Variants in TUSC3 observed in about 807,000 individuals in gnomAD.
The protein encoded by TUSC3 is tumor suppressor candidate 3.
Under a neutral mutation model 44.8 loss-of-function variants are expected in TUSC3, and 45 were observed. The ratio of observed to expected loss-of-function variants is 1.00; its 90% CI spans 0.79 to 1.29. The LOEUF (loss-of-function observed/expected upper bound fraction) is 1.29. Among genes scored for constraint, TUSC3 ranks in the 50% most tolerant of loss-of-function variants. The pLI is 0.00. For synonymous variants in TUSC3, 212 were observed against 152.9 expected (o/e 1.39, Z -2.85); for missense variants, 519 against 437.9 (o/e 1.19, Z -1.65).
upstream of TUSC3, among the ~76,000 whole-genome samples, chr8:15,539,393 C>T (rs1449409416): frequency 8.7e-5 from 10 of 115,282 alleles, no homozygotes; most frequent in Non-Finnish European, 1.3e-4. Context: ...CATTCTGTCT[C>T]CCAGGCTGGA....
intron 9 of TUSC3, among the ~76,000 whole-genome samples, chr8:15,753,027 A>G (rs572199511): frequency 9.9e-5 from 15 of 152,248 alleles, no homozygotes; most frequent in African/African-American, 3.6e-4. Flanking sequence ...AAATCTACTT[A>G]TTAAACAAAT....
At chr8:15,489,890 C>T (rs10091080) in intron 2 of TUSC3, among the ~76,000 whole-genome samples, 2,418 of 152,198 alleles carry the variant, frequency 0.016, 83 homozygotes, top group African/African-American at 0.056. Flanking sequence ...TATTCTGAAA[C>T]AAATCAGATA....
At chr8:15,820,034 G>C in the TUSC3 span, among the ~76,000 whole-genome samples, 7 of 152,094 alleles carry the variant, frequency 4.6e-5, no homozygotes, top group Non-Finnish European at 1.0e-4. Flanking sequence ...AATTTGAACT[G>C]TTCCTAGTTT....
chr8:15,781,762 A>G, the TUSC3 span, among the ~76,000 whole-genome samples: 1 of 152,044 alleles, frequency 6.6e-6, no homozygotes, highest in African/African-American at 2.4e-5. Context: ...AAAAAACTGA[A>G]GAGGAAATAA....
chr8:15,518,852 TATA>T (rs1455104845), intron 2 of TUSC3, among the ~76,000 whole-genome samples: 1 of 152,140 alleles, frequency 6.6e-6, no homozygotes, highest in Non-Finnish European at 1.5e-5. Flanking sequence ...AATATGAAAA[TATA>T]ATCCCATTTT....
intron 2 of TUSC3, among the ~76,000 whole-genome samples, chr8:15,493,130 G>C (rs1800832293): frequency 6.6e-6 from 1 of 152,174 alleles, no homozygotes; most frequent in African/African-American, 2.4e-5. Flanking sequence ...AACAGAATAA[G>C]GATGAGTGTT....
At chr8:15,701,424 G>A (rs750987793) in intron 6 of TUSC3, among the ~76,000 whole-genome samples, 4 of 152,076 alleles carry the variant, frequency 2.6e-5, no homozygotes, top group East Asian at 1.9e-4. Context: ...GTGTATGTGT[G>A]TATTTTTTAC....
rs187971466 is a variant in TUSC3 at position 15,652,294 on chromosome 8, A to G, written c.426+1480A>G. Among the ~76,000 whole-genome samples the G allele has an allele frequency of 5.2e-4, 79 of 152,320 alleles. 2 individuals carry two copies. The highest frequency in any genetic ancestry group is 4.6e-3 in the Admixed American group (70 of 15,292). On this transcript the variant is annotated intron_variant, in intron 3 of 10. Coordinates refer to ENST00000503731, the MANE Select transcript of TUSC3 (RefSeq NM_006765.4). ...TCTAGCCTACTAATTGTATATCACCATTAGTGAACATTTTTACTTATTTGC... is the reference window on the plus strand; with the variant it reads ...TCTAGCCTACTAATTGTATATCACCGTTAGTGAACATTTTTACTTATTTGC...
At chr8:15,528,320 T>A (rs1801403600) in intron 2 of TUSC3, among the ~76,000 whole-genome samples, 1 of 152,150 alleles carries the variant, frequency 6.6e-6, no homozygotes, top group South Asian at 2.1e-4. Context: ...GTTCAGGAAA[T>A]GAATTAGGAA....
intron 1 of TUSC3, among the ~76,000 whole-genome samples, chr8:15,576,929 CA>C (rs1480802504): frequency 8.3e-6 from 1 of 120,758 alleles, no homozygotes; most frequent in African/African-American, 3.0e-5. Flanking sequence ...GTCCCACCAA[CA>C]GTGTAAAAGT....
At chr8:15,769,879 G>A (rs532718547), downstream of TUSC3, among the ~76,000 whole-genome samples, 1 of 152,226 alleles carries the variant, frequency 6.6e-6, no homozygotes, top group Admixed American at 6.5e-5. Flanking sequence ...ACCATCTCTC[G>A]CCAGTTAGAA....
downstream of TUSC3, among the ~76,000 whole-genome samples, chr8:15,767,235 T>G (rs1812358307): frequency 6.6e-6 from 1 of 152,098 alleles, no homozygotes; most frequent in Non-Finnish European, 1.5e-5. Flanking sequence ...TACATGCATA[T>G]ATTTATATCA....
the TUSC3 span, among the ~76,000 whole-genome samples, chr8:15,783,478 A>G: frequency 6.6e-6 from 1 of 152,220 alleles, no homozygotes; most frequent in Non-Finnish European, 1.5e-5. Context: ...AAAATATATT[A>G]CAAAGCTATG....
intron 1 of TUSC3, among the ~76,000 whole-genome samples, chr8:15,588,870 T>C (rs902108394): frequency 6.6e-6 from 1 of 152,142 alleles, no homozygotes; most frequent in African/African-American, 2.4e-5. Context: ...GCTGTGAATA[T>C]GTGGATTTAT....
intron 2 of TUSC3, among the ~76,000 whole-genome samples, chr8:15,489,687 CT>C (rs1334789343): frequency 6.6e-6 from 1 of 152,088 alleles, no homozygotes; most frequent in Non-Finnish European, 1.5e-5. Flanking sequence ...TTTTGTCAGT[CT>C]TAAGATTTCT....
chr8:15,568,523 G>A (rs1314234332), intron 1 of TUSC3, among the ~76,000 whole-genome samples: 1 of 151,708 alleles, frequency 6.6e-6, no homozygotes. Flanking sequence ...GATTTAAGAT[G>A]TTTTGATAAA....
At chr8:15,703,385 C>A (rs1412213321) in intron 6 of TUSC3, among the ~76,000 whole-genome samples, 2 of 152,052 alleles carry the variant, frequency 1.3e-5, no homozygotes, top group East Asian at 3.9e-4. Context: ...ATTTAATGTA[C>A]TTTGGGTTGC....
chr8:15,587,130 T>A (rs1005151662), intron 1 of TUSC3, among the ~76,000 whole-genome samples: 4 of 152,188 alleles, frequency 2.6e-5, no homozygotes, highest in Non-Finnish European at 4.4e-5. Flanking sequence ...TTAATAGTAA[T>A]TTCATAATTA....
At chr8:15,759,102 G>C (rs1563209692) in intron 10 of TUSC3, among the ~76,000 whole-genome samples, 1 of 152,118 alleles carries the variant, frequency 6.6e-6, no homozygotes, top group Non-Finnish European at 1.5e-5. Flanking sequence ...AGATTAAAAA[G>C]AATGACTCAG....
Sources: allele counts gnomAD v4.1 joint callset (sites outside exome capture counted in the v4.1 genomes callset), GRCh38; gene constraint gnomAD v4.1.1; transcripts MANE v1.5; gene names NCBI Gene and HGNC (gene_info 2026-07-23, HGNC 2026-07-21).